Variants in RABGEF1 observed in about 807,000 individuals in gnomAD.
RABGEF1 encodes the protein rab5 GDP/GTP exchange factor.
In RABGEF1, 26 loss-of-function variants were observed where a neutral mutation model predicts 57.3. That is an observed-to-expected ratio of 0.45 (90% CI 0.33 to 0.63). The LOEUF is 0.63. RABGEF1 is among the 20% of genes least tolerant of loss of function. The pLI is 0.02. For synonymous variants in RABGEF1, 185 were observed against 210.7 expected (o/e 0.88, Z 1.06); for missense variants, 464 against 607.6 (o/e 0.76, Z 2.48).
Position 66,805,213 on chromosome 7 carries a change from C to T in RABGEF1, c.894C>T (p.Ile298=), listed in dbSNP as rs753052671. The stretch of plus-strand genomic sequence containing the variant: ...GCATCACCAAGTGCAGCAAGCACAT[C>T]TTCAATGCCATCAAGATCACCAAGA... ...LACITKCSKH[I]FNAIKITKNE... The change falls in exon 8 of 9, where the codon ATC becomes ATT. Residue 298 remains isoleucine (I), a synonymous_variant. Coordinates refer to ENST00000284957, the MANE Select transcript of RABGEF1 (RefSeq NM_014504.3). 5.0e-6 allele frequency: 8 copies of T among 1,614,176 alleles called. No homozygotes were observed. The Admixed American group carries it at 1.2e-4, about 24-fold the overall frequency.
At chr7:66,693,280 AC>A (rs1337500817) in intron 1 of RABGEF1, among the ~76,000 whole-genome samples, 1 of 151,734 alleles carries the variant, frequency 6.6e-6, no homozygotes, top group African/African-American at 2.4e-5. Flanking sequence ...GTATGTTTCC[AC>A]CCCCCAGGGC....
intron 7 of RABGEF1, among the ~76,000 whole-genome samples, chr7:66,803,884 G>T (rs1200697571): frequency 6.8e-6 from 1 of 147,660 alleles, no homozygotes; most frequent in Non-Finnish European, 1.5e-5. Context: ...GTGAGATGCT[G>T]TCTCAAAAAA....
chr7:66,775,344 C>T lies in RABGEF1; in HGVS notation c.297C>T (p.Thr99=), dbSNP rs370268570. The T allele has an allele frequency of 3.7e-6, 6 of 1,613,782 alleles. No homozygotes were observed. Among genetic ancestry groups the T allele is most frequent in the African/African-American group, 2.7e-5 (2 of 74,896 alleles). The part of the protein sequence containing the change: ...KKTNEKTRKV[T]TVKKFFSASS... ...CCAACGAGAAGACCCGCAAGGTTACCACAGTGAAGAAATTCTTCAGTGCAT... is the reference window on the plus strand; with the variant it reads ...CCAACGAGAAGACCCGCAAGGTTACTACAGTGAAGAAATTCTTCAGTGCAT... Residue 99 remains threonine, a synonymous_variant, in exon 3 of 9, where the codon ACC becomes ACT. Transcript: ENST00000284957.
intron 2 of RABGEF1, among the ~76,000 whole-genome samples, chr7:66,732,119 C>T (rs1174030140): frequency 2.0e-5 from 3 of 152,200 alleles, no homozygotes; most frequent in South Asian, 2.1e-4. Flanking sequence ...GTAGCTAGAA[C>T]GCCCGGCTCA....
upstream of RABGEF1, among the ~76,000 whole-genome samples, chr7:66,737,302 T>G (rs1188162826): frequency 2.0e-5 from 3 of 152,186 alleles, no homozygotes; most frequent in Non-Finnish European, 4.4e-5. Context: ...ATGCAGTGGC[T>G]GTTCTTCACC....
At chr7:66,789,814 C>T (rs564615208) in intron 4 of RABGEF1, among the ~76,000 whole-genome samples, 44 of 152,052 alleles carry the variant, frequency 2.9e-4, no homozygotes, top group African/African-American at 1.0e-3. Flanking sequence ...CTGGGGCAGC[C>T]GTGGTGGCTC....
intron 4 of RABGEF1, among the ~76,000 whole-genome samples, chr7:66,791,433 C>T (rs528498051): frequency 6.6e-6 from 1 of 152,184 alleles, no homozygotes; most frequent in South Asian, 2.1e-4. Flanking sequence ...GGATTAAAGC[C>T]CTCATATGGT....
At chr7:66,805,080 C>T (rs1002034139) in intron 7 of RABGEF1, 60 bp from the exon 8 acceptor site, 1 of 1,505,880 alleles carries the variant, frequency 6.6e-7, no homozygotes, top group East Asian at 2.3e-5. Flanking sequence ...CATGATTTTC[C>T]TATTGCTTCT....
chr7:66,748,764 A>G (rs986524664), intron 1 of RABGEF1: 2 of 155,632 alleles, frequency 1.3e-5, no homozygotes, highest in African/African-American at 4.8e-5. Flanking sequence ...CTTCACTATC[A>G]ATTGTATTTT....
chr7:66,739,593 C>G (rs1798488250), upstream of RABGEF1, among the ~76,000 whole-genome samples: 1 of 133,536 alleles, frequency 7.5e-6, no homozygotes, highest in Admixed American at 8.8e-5. Flanking sequence ...ACCTAGGAGG[C>G]GGAGGTTGCA....
intron 1 of RABGEF1, among the ~76,000 whole-genome samples, chr7:66,743,491 T>G (rs1218447852): frequency 1.3e-5 from 2 of 151,746 alleles, no homozygotes; most frequent in Middle Eastern, 3.4e-3. Context: ...TAATTTAGCT[T>G]GCCTGGCTAA....
In RABGEF1 at chr7:66,787,533, TGG is replaced by T. The variant is rs1003550850; in HGVS notation, c.513+3695_513+3696del. Reference sequence around the variant, plus strand: ...TAATTTTTTGTATGTTTAGTAGAGATGGGGTGTTACTCTGTTAGCCAGGCTGG... The same window carrying T: ...TAATTTTTTGTATGTTTAGTAGAGATGGTGTTACTCTGTTAGCCAGGCTGG... On this transcript the variant is annotated intron_variant, in intron 4 of 8. Transcript: ENST00000284957. Among the ~76,000 whole-genome samples the T allele has an allele frequency of 2.0e-5, 3 of 151,344 alleles. No individual in the cohort carries two copies. The East Asian group carries it at 5.9e-4, about 30-fold the overall frequency.
chr7:66,707,128 T>G (rs1296473609), intron 1 of RABGEF1, among the ~76,000 whole-genome samples: 1 of 152,356 alleles, frequency 6.6e-6, no homozygotes, highest in East Asian at 1.9e-4. Flanking sequence ...TTCCACTTAT[T>G]TGTGAGTTTT....
At chr7:66,714,860 G>A (rs1420084211) in intron 2 of RABGEF1, among the ~76,000 whole-genome samples, 9 of 152,174 alleles carry the variant, frequency 5.9e-5, no homozygotes, top group South Asian at 4.1e-4. Context: ...GTGTGAACCC[G>A]GGAGGCGGAG....
At chr7:66,780,540 A>G (rs1300954737) in intron 3 of RABGEF1, among the ~76,000 whole-genome samples, 1 of 152,208 alleles carries the variant, frequency 6.6e-6, no homozygotes, top group African/African-American at 2.4e-5. Context: ...TGAGTGTTCT[A>G]TCAGAGTCAG....
chr7:66,749,979 C>A (rs1585138114), intron 1 of RABGEF1, among the ~76,000 whole-genome samples: 1 of 151,976 alleles, frequency 6.6e-6, no homozygotes, highest in Non-Finnish European at 1.5e-5. Flanking sequence ...ATCTCAAAAA[C>A]AAACAAACAA....
chr7:66,699,297 G>A (rs1414173156), intron 1 of RABGEF1, among the ~76,000 whole-genome samples: 1 of 152,150 alleles, frequency 6.6e-6, no homozygotes, highest in East Asian at 1.9e-4. Context: ...CCCTAGACCG[G>A]GAGACAAAGG....
At chr7:66,743,786 C>A (rs1445454112) in intron 1 of RABGEF1, among the ~76,000 whole-genome samples, 2 of 152,168 alleles carry the variant, frequency 1.3e-5, no homozygotes, top group Non-Finnish European at 2.9e-5. Context: ...CAGGTGTGAG[C>A]CACCACACTT....
At chr7:66,694,908 G>C (rs1247243383) in intron 1 of RABGEF1, among the ~76,000 whole-genome samples, 1 of 152,196 alleles carries the variant, frequency 6.6e-6, no homozygotes, top group East Asian at 1.9e-4. Context: ...CCCAGGTGGA[G>C]GTATCAGCCT....
Sources: gnomAD v4.1 joint callset for allele counts (sites outside exome capture counted in the v4.1 genomes callset) on GRCh38, gnomAD v4.1.1 for gene constraint, MANE v1.5 for transcripts, NCBI Gene and HGNC (gene_info 2026-07-23, HGNC 2026-07-21) for gene names.